MED13: variants seen among roughly 807,000 people sequenced by gnomAD.
MED13 encodes mediator of RNA polymerase II transcription subunit 13.
A neutral mutation model predicts 225.2 loss-of-function variants in MED13; 23 were observed. That is an observed-to-expected ratio of 0.10 (90% confidence interval 0.07 to 0.14). The LOEUF is 0.14. Ranked by LOEUF, MED13 falls within the 10% of genes least tolerant of loss-of-function variation. The pLI, the probability that MED13 is intolerant of heterozygous loss-of-function variation, is 1.00. For synonymous variants in MED13, 942 were observed against 889.2 expected, an observed-to-expected ratio of 1.06 and a Z score of -1.06; for missense variants, 2,197 against 2,594.5, an observed-to-expected ratio of 0.85 and a Z score of 3.33.
chr17:61,991,633 G>A (rs776551125), intron 11 of MED13, among the ~76,000 whole-genome samples: 1 of 152,012 alleles, frequency 6.6e-6, no homozygotes, highest in Non-Finnish European at 1.5e-5. Flanking sequence ...TCAGCCTCCC[G>A]AGTAGCTGGA....
intron 8 of MED13, among the ~76,000 whole-genome samples, chr17:62,018,370 G>A (rs939467779): frequency 2.0e-5 from 3 of 152,068 alleles, no homozygotes; most frequent in South Asian, 2.1e-4. Flanking sequence ...AACTATTTAC[G>A]TAACACATTG....
intron 15 of MED13, 72 bp from the exon 16 acceptor site, chr17:61,983,186 A>G (rs2080219880): frequency 8.3e-7 from 1 of 1,211,134 alleles, no homozygotes; most frequent in Admixed American, 3.1e-5. Flanking sequence ...AAATACAACT[A>G]AAAACGTCCC....
At chr17:61,981,577 T>C (rs2080205105) in intron 16 of MED13, among the ~76,000 whole-genome samples, 1 of 152,184 alleles carries the variant, frequency 6.6e-6, no homozygotes. Context: ...CTCAGGGTCT[T>C]TGCACTGCCT....
At chr17:62,038,536 G>A (rs2080825938) in intron 3 of MED13, among the ~76,000 whole-genome samples, 1 of 151,606 alleles carries the variant, frequency 6.6e-6, no homozygotes, top group Admixed American at 6.6e-5. Flanking sequence ...ATTATAATAT[G>A]GGAAATGTTT....
intron 18 of MED13, among the ~76,000 whole-genome samples, chr17:61,967,675 A>G (rs1000524761): frequency 5.9e-5 from 9 of 152,198 alleles, no homozygotes; most frequent in Admixed American, 5.9e-4. Flanking sequence ...AGTGAGGCCT[A>G]GTGTCACTAC....
rs189985349 is a variant in MED13 at position 61,971,058 on chromosome 17, C to T, written c.3967+1669G>A. On this transcript the variant is annotated intron_variant, in intron 17 of 29. Transcript: ENST00000397786. ...TAAATAAAATAAAAATACACCCATG[C>T]TTTAAAGCCAGGGATCTGTGCATTA... Among the ~76,000 whole-genome samples the T allele has an allele frequency of 1.1e-3, 165 of 151,912 alleles. 1 individual carries two copies. Among genetic ancestry groups the T allele is most frequent in the African/African-American group, 3.7e-3 (155 of 41,436 alleles).
At chr17:62,041,582 T>C (rs1257322143) in intron 3 of MED13, among the ~76,000 whole-genome samples, 1 of 152,148 alleles carries the variant, frequency 6.6e-6, no homozygotes. Context: ...AGTCATCTTT[T>C]TTTTTTTCCT....
intron 8 of MED13, among the ~76,000 whole-genome samples, chr17:62,023,850 G>C (rs564375804): frequency 1.3e-5 from 2 of 152,208 alleles, no homozygotes; most frequent in East Asian, 3.9e-4. Flanking sequence ...GTGGGCAGAA[G>C]ACCTAAAGTA....
At chr17:62,028,736 T>C (rs1048207293) in intron 8 of MED13, among the ~76,000 whole-genome samples, 24 of 151,328 alleles carry the variant, frequency 1.6e-4, no homozygotes, top group African/African-American at 5.8e-4. Context: ...TCCCAGCTAC[T>C]TGGGAGGCTG....
chr17:62,037,338 A>T (rs1457162968), intron 3 of MED13, among the ~76,000 whole-genome samples: 2 of 152,002 alleles, frequency 1.3e-5, no homozygotes, highest in Non-Finnish European at 2.9e-5. Flanking sequence ...TAAAACAAAA[A>T]ACAAACAAAA....
At chr17:62,021,905 G>A (rs1407694547) in intron 8 of MED13, among the ~76,000 whole-genome samples, 2 of 151,988 alleles carry the variant, frequency 1.3e-5, no homozygotes, top group South Asian at 2.1e-4. Flanking sequence ...AGTGGCTCAC[G>A]TCTGTAATTC....
intron 3 of MED13, among the ~76,000 whole-genome samples, chr17:62,048,043 C>T (rs1033880731): frequency 2.3e-5 from 3 of 131,164 alleles, no homozygotes; most frequent in African/African-American, 8.4e-5. Flanking sequence ...TATACATATA[C>T]ATATATATAT....
intron 9 of MED13, among the ~76,000 whole-genome samples, chr17:62,003,522 T>C (rs1567970847): frequency 1.4e-5 from 2 of 143,676 alleles, no homozygotes; most frequent in Non-Finnish European, 3.0e-5. Flanking sequence ...GGAGAATTGC[T>C]TGAAGCCAGG....
chr17:61,981,196 A>AT (rs942351543), intron 16 of MED13, among the ~76,000 whole-genome samples: 1 of 151,526 alleles, frequency 6.6e-6, no homozygotes, highest in Non-Finnish European at 1.5e-5. Flanking sequence ...CTAATTTTAA[A>AT]TTTTTAGTAA....
In MED13 at chr17:61,966,636, G is replaced by T; in HGVS notation, c.4207C>A (p.Gln1403Lys). Reference protein sequence around the residue: ...TAIYESCRLGQHRPVSRLLTD... With the variant: ...TAIYESCRLGKHRPVSRLLTD... ...AACAGTCGAGAAACAGGTCTATGTTGACCTAATCGACAGGACTACAAATAT... is the reference window on the plus strand; with the variant it reads ...AACAGTCGAGAAACAGGTCTATGTTTACCTAATCGACAGGACTACAAATAT... The change falls in exon 19 of 30, where the codon CAA becomes AAA. Residue 1403 changes from glutamine to lysine, a missense_variant. This residue lies in a region of MED13 where 457 missense variants were observed against 442.2 expected (regional missense o/e 1.03). Coordinates refer to ENST00000397786, the MANE Select transcript of MED13 (RefSeq NM_005121.3). The T allele has an allele frequency of 1.2e-6, 2 of 1,600,672 alleles. No individual in the cohort carries two copies. The highest frequency in any genetic ancestry group is 2.3e-5 in the South Asian group (2 of 88,538).
chr17:62,064,709 G>C (rs2081067104), intron 1 of MED13, among the ~76,000 whole-genome samples: 1 of 152,136 alleles, frequency 6.6e-6, no homozygotes. Flanking sequence ...TAAGTTCTGG[G>C]GTCCTGTTTA....
At chr17:62,016,303 G>C (rs569784394) in intron 8 of MED13, among the ~76,000 whole-genome samples, 20 of 152,018 alleles carry the variant, frequency 1.3e-4, no homozygotes, top group Admixed American at 7.2e-4. Flanking sequence ...CTCCCAGGTA[G>C]CTGGGATTAC....
chr17:62,058,212 T>C (rs1290371498), intron 2 of MED13, among the ~76,000 whole-genome samples: 5 of 151,702 alleles, frequency 3.3e-5, no homozygotes, highest in Non-Finnish European at 7.4e-5. Flanking sequence ...AGCTACAAAA[T>C]ACAATTTTTA....
intron 8 of MED13, among the ~76,000 whole-genome samples, chr17:62,025,264 G>C (rs2080690254): frequency 6.6e-6 from 1 of 152,204 alleles, no homozygotes; most frequent in African/African-American, 2.4e-5. Context: ...AATGAATGTG[G>C]CTGTGTTCTA....
Sources: allele counts gnomAD v4.1 joint callset (sites outside exome capture counted in the v4.1 genomes callset), GRCh38; gene constraint gnomAD v4.1.1; regional missense constraint gnomAD v4.1.1; transcripts MANE v1.5; gene names NCBI Gene and HGNC (gene_info 2026-07-23, HGNC 2026-07-21).